RALGAPA2: variants seen among roughly 807,000 people sequenced by gnomAD.
The protein encoded by RALGAPA2 is ral GTPase-activating protein subunit alpha-2.
A neutral mutation model predicts 230.4 loss-of-function variants in RALGAPA2; 139 were observed. The observed-to-expected ratio is 0.60, with a 90% CI of 0.53 to 0.69. The LOEUF (loss-of-function observed/expected upper bound fraction) is 0.69. Among genes scored for constraint, RALGAPA2 ranks in the 30% least tolerant of loss-of-function variants. The pLI is 0.00. For missense variants in RALGAPA2, 2,163 were observed against 2,276.0 expected (o/e 0.95, Z 1.01); for synonymous variants, 847 against 837.8 (o/e 1.01, Z -0.19).
At chr20:20,506,298 C>T (rs1303595893) in intron 33 of RALGAPA2, among the ~76,000 whole-genome samples, 1 of 152,108 alleles carries the variant, frequency 6.6e-6, no homozygotes, top group Non-Finnish European at 1.5e-5. Context: ...CTCTTTTGCA[C>T]ATCTAGCATA....
chr20:20,418,103 C>T (rs552468501), intron 37 of RALGAPA2, among the ~76,000 whole-genome samples: 48 of 152,240 alleles, frequency 3.2e-4, no homozygotes, highest in African/African-American at 1.1e-3. Flanking sequence ...CTAGGCACAA[C>T]GTGGGAGGAA....
chr20:20,537,696 T>C (rs1039091293), intron 24 of RALGAPA2, among the ~76,000 whole-genome samples: 4 of 149,730 alleles, frequency 2.7e-5, no homozygotes, highest in Non-Finnish European at 5.9e-5. Context: ...TAGCCAAGAA[T>C]AGGGGACTAC....
intron 5 of RALGAPA2, among the ~76,000 whole-genome samples, chr20:20,641,962 G>T (rs547474149): frequency 4.0e-5 from 6 of 151,628 alleles, no homozygotes; most frequent in Non-Finnish European, 7.4e-5. Context: ...CCCCATTAAC[G>T]GGGTAAATTC....
chr20:20,696,524 C>A (rs1180726646), intron 1 of RALGAPA2, among the ~76,000 whole-genome samples: 1 of 152,240 alleles, frequency 6.6e-6, no homozygotes, highest in South Asian at 2.1e-4. Flanking sequence ...CCCATCTTAT[C>A]TTACTTAGAG....
intron 1 of RALGAPA2, among the ~76,000 whole-genome samples, chr20:20,699,732 A>C (rs1204165022): frequency 6.6e-6 from 1 of 152,210 alleles, no homozygotes. Context: ...ATCATCAAAG[A>C]AATGCAAATC....
At chr20:20,456,856 C>T (rs902339160) in intron 37 of RALGAPA2, among the ~76,000 whole-genome samples, 1 of 151,580 alleles carries the variant, frequency 6.6e-6, no homozygotes, top group Non-Finnish European at 1.5e-5. Flanking sequence ...TTTTAAGTGA[C>T]AGTGTCTGCA....
intron 37 of RALGAPA2, among the ~76,000 whole-genome samples, chr20:20,413,830 T>A (rs2060112581): frequency 6.6e-6 from 1 of 152,258 alleles, no homozygotes; most frequent in African/African-American, 2.4e-5. Context: ...GAGCCTGAAC[T>A]GGCTTCTTGA....
At chr20:20,574,390 C>T (rs1164421905) in intron 20 of RALGAPA2, among the ~76,000 whole-genome samples, 1 of 152,096 alleles carries the variant, frequency 6.6e-6, no homozygotes, top group African/African-American at 2.4e-5. Context: ...TGAAACTGTG[C>T]ATTGAAACAA....
Position 20,569,645 on chromosome 20 carries a change from T to C in RALGAPA2, c.3156+1813A>G, listed in dbSNP as rs140981069. On this transcript the variant is annotated intron_variant, in intron 23 of 39. Transcript: ENST00000202677. ...AATTGTATTTCTTGAAAATGATTTA[T>C]AAAATAATTTTTTTCAGGTTCTCAA... 4.1e-3 allele frequency among the ~76,000 whole-genome samples: 625 copies of C among 152,288 alleles called. 4 individuals are homozygous for C. The highest frequency in any genetic ancestry group is 6.8e-3 in the Non-Finnish European group (459 of 67,980).
chr20:20,468,106 A>G (rs1437391819), intron 37 of RALGAPA2, among the ~76,000 whole-genome samples: 4 of 152,104 alleles, frequency 2.6e-5, no homozygotes, highest in East Asian at 1.9e-4. Context: ...TCAAAAATCC[A>G]TTCCTTCAAA....
chr20:20,394,041 G>C lies in RALGAPA2; in HGVS notation c.*36-788C>G, dbSNP rs1304607680. ...CAAGTTTCCTGCATGACCTCTGCTGGGAACCAACCTCAGAAGCAGAGTTTC... is the reference window on the plus strand; with the variant it reads ...CAAGTTTCCTGCATGACCTCTGCTGCGAACCAACCTCAGAAGCAGAGTTTC... On this transcript the variant is annotated intron_variant, in intron 39 of 39. Coordinates refer to ENST00000202677, the MANE Select transcript of RALGAPA2 (RefSeq NM_020343.4). 2.0e-5 allele frequency among the ~76,000 whole-genome samples: 3 copies of C among 152,132 alleles called. No individual in the cohort carries two copies. The East Asian group carries it at 5.8e-4, about 29-fold the overall frequency.
At chr20:20,687,904 T>C (rs925539740) in intron 1 of RALGAPA2, among the ~76,000 whole-genome samples, 1 of 152,142 alleles carries the variant, frequency 6.6e-6, no homozygotes, top group African/African-American at 2.4e-5. Context: ...AAACTTTCTG[T>C]CAACAGTGAT....
At chr20:20,615,907 C>A in intron 13 of RALGAPA2, 136 bp downstream of exon 13, 1 of 630,674 alleles carries the variant, frequency 1.6e-6, no homozygotes, top group Non-Finnish European at 2.5e-6. Context: ...CTTCATAATT[C>A]ACAGAAACTG....
intron 23 of RALGAPA2, among the ~76,000 whole-genome samples, chr20:20,567,643 C>T (rs2064475881): frequency 1.3e-5 from 2 of 152,006 alleles, no homozygotes; most frequent in Admixed American, 1.3e-4. Flanking sequence ...GCTTTTTAGC[C>T]TGTGGCACTG....
At chr20:20,634,313 T>C (rs1253644523) in intron 9 of RALGAPA2, among the ~76,000 whole-genome samples, 1 of 152,228 alleles carries the variant, frequency 6.6e-6, no homozygotes, top group Non-Finnish European at 1.5e-5. Context: ...ATGGGATCTT[T>C]TTTCAGAAAA....
At chr20:20,526,531 T>C (rs945480741) in intron 27 of RALGAPA2, among the ~76,000 whole-genome samples, 169 bp from the exon 28 acceptor site, 2 of 152,122 alleles carry the variant, frequency 1.3e-5, no homozygotes, top group African/African-American at 4.8e-5. Context: ...CATCGTCACA[T>C]CACCATTTTA....
In RALGAPA2 at chr20:20,495,146, A is replaced by T. The variant is rs1431846817; in HGVS notation, c.5338T>A (p.Phe1780Ile). 6.2e-7 allele frequency: 1 copy of T among 1,609,502 alleles called. No homozygotes were observed. ...IIIYPMKNHM[F>I]FIAITKKPEV... ...GGTTTCTTCGTTATCGCGATGAAGA[A>T]CATGTGATTCTTCATTGGGTAAATA... Residue 1780 changes from phenylalanine (F) to isoleucine (I), a missense_variant, in exon 36 of 40, where the codon TTC becomes ATC. Phe to Ile is a conservative substitution (Grantham distance 21). Coordinates refer to ENST00000202677, the MANE Select transcript of RALGAPA2 (RefSeq NM_020343.4).
chr20:20,399,096 G>A (rs905922653), intron 38 of RALGAPA2, among the ~76,000 whole-genome samples: 1 of 152,170 alleles, frequency 6.6e-6, no homozygotes, highest in Non-Finnish European at 1.5e-5. Flanking sequence ...TGTAATCCCA[G>A]CACTTTGGGA....
At position 20,480,415 on chromosome 20, in the gene RALGAPA2, T is replaced by C. The variant is rs139902445; in HGVS notation, c.5368-7459A>G. On this transcript the variant is annotated intron_variant, in intron 36 of 39. Coordinates refer to ENST00000202677, the MANE Select transcript of RALGAPA2 (RefSeq NM_020343.4). ...ATCATTCACCAAGCTAAGTGGGATATATTACCCCATGAGTTGGGGATGCTG... is the reference window on the plus strand; with the variant it reads ...ATCATTCACCAAGCTAAGTGGGATACATTACCCCATGAGTTGGGGATGCTG... Among the ~76,000 whole-genome samples the C allele has an allele frequency of 2.0e-4, 30 of 152,330 alleles. No homozygotes were observed. The East Asian group carries it at 3.5e-3, about 18-fold the overall frequency.
Sources: allele counts gnomAD v4.1 joint callset (sites outside exome capture counted in the v4.1 genomes callset), GRCh38; gene constraint gnomAD v4.1.1; transcripts MANE v1.5; gene names NCBI Gene and HGNC (gene_info 2026-07-23, HGNC 2026-07-21).